The following ADGRL4 variants were observed in gnomAD, a reference collection of about 807,000 sequenced individuals.
The protein encoded by ADGRL4 is adhesion G protein-coupled receptor L4, also known as EGF, latrophilin and seven transmembrane domain containing 1.
Under a neutral mutation model 74.8 loss-of-function variants are expected in ADGRL4, and 90 were observed. The observed-to-expected ratio is 1.20, with a 90% CI of 1.02 to 1.43. The LOEUF (loss-of-function observed/expected upper bound fraction) is 1.43, where lower values mean the gene tolerates loss of function less well. ADGRL4 is among the 40% of genes most tolerant of loss of function. The pLI is 0.00. For synonymous variants in ADGRL4, 311 were observed against 279.2 expected, an observed-to-expected ratio of 1.11 and a Z score of -1.14; for missense variants, 881 against 814.3, an observed-to-expected ratio of 1.08 and a Z score of -1.00.
Position 78,959,587 on chromosome 1 carries a change from T to C in ADGRL4, c.173-13161A>G, listed in dbSNP as rs536511055. 4.6e-5 allele frequency among the ~76,000 whole-genome samples: 7 copies of C among 152,344 alleles called. No individual in the cohort carries two copies. In the South Asian group the frequency reaches 1.5e-3, roughly 32 times the overall value. ...CCTCCTAGGCAAAATGTCAGAACAT[T>C]GCATGGACTGGTGGACTGCCTGATC... On this transcript the variant is annotated intron_variant, in intron 2 of 14. Coordinates refer to ENST00000370742, the MANE Select transcript of ADGRL4 (RefSeq NM_022159.4).
chr1:78,972,433 A>G (rs927829957), intron 2 of ADGRL4, among the ~76,000 whole-genome samples: 1 of 152,192 alleles, frequency 6.6e-6, no homozygotes, highest in African/African-American at 2.4e-5. Flanking sequence ...AGAAATGTAA[A>G]TTGCAAAGAT....
At chr1:78,936,192 T>C (rs2100686323) in intron 7 of ADGRL4, 103 bp downstream of exon 7, 1 of 1,209,572 alleles carries the variant, frequency 8.3e-7, no homozygotes, top group East Asian at 2.6e-5. Flanking sequence ...AATGTTTTTA[T>C]AGGAAACCAC....
At chr1:78,955,354 T>C (rs1400988016) in intron 2 of ADGRL4, among the ~76,000 whole-genome samples, 1 of 152,130 alleles carries the variant, frequency 6.6e-6, no homozygotes, top group African/African-American at 2.4e-5. Context: ...ATGACATAAA[T>C]GTTAAACTTA....
intron 2 of ADGRL4, among the ~76,000 whole-genome samples, chr1:78,962,316 T>G (rs141216550): frequency 6.6e-6 from 1 of 152,274 alleles, no homozygotes; most frequent in East Asian, 1.9e-4. Context: ...CTACATATTT[T>G]TTCCTCCACA....
Position 79,006,645 on chromosome 1 carries a change from G to A in ADGRL4, c.10C>T (p.Leu4Phe), listed in dbSNP as rs748873408. 9.2e-6 allele frequency: 14 copies of A among 1,517,570 alleles called. No homozygotes were observed. The highest frequency in any genetic ancestry group is 1.1e-5 in the Non-Finnish European group (13 of 1,134,664). The allele number at this position is 1,517,570 out of a possible 1,614,324, so 94.0% of individuals were successfully genotyped here. The change falls in exon 1 of 15, where the codon CTC becomes TTC. Residue 4 changes from leucine to phenylalanine, a missense_variant. Transcript: ENST00000370742. ...GCTGAGCACTCACCTAGGAGCGGGA[G>A]GCGTTTCATTGGCGGTGGCCGCAGT... is the stretch of plus-strand genomic sequence containing the variant. MKR[L>F]PLLVVFSTLL...
chr1:78,975,333 C>G (rs1225733095), intron 2 of ADGRL4, among the ~76,000 whole-genome samples: 2 of 151,954 alleles, frequency 1.3e-5, no homozygotes, highest in Non-Finnish European at 2.9e-5. Flanking sequence ...AATATAGGAA[C>G]AATGATGGTA....
At chr1:78,988,573 T>C (rs1650542552) in intron 2 of ADGRL4, among the ~76,000 whole-genome samples, 1 of 151,846 alleles carries the variant, frequency 6.6e-6, no homozygotes, top group African/African-American at 2.4e-5. Context: ...TTGTTCAAGA[T>C]AAAATACTAC....
At chr1:78,973,881 ATAAAC>A (rs1331118185) in intron 2 of ADGRL4, among the ~76,000 whole-genome samples, 3 of 152,100 alleles carry the variant, frequency 2.0e-5, no homozygotes, top group South Asian at 4.1e-4. Flanking sequence ...GTTCTAATAA[ATAAAC>A]TAAGGCTAGA....
At chr1:78,990,458 A>G (rs1650585135) in intron 2 of ADGRL4, among the ~76,000 whole-genome samples, 1 of 151,966 alleles carries the variant, frequency 6.6e-6, no homozygotes, top group Admixed American at 6.6e-5. Flanking sequence ...ACAATAATGC[A>G]ATTTTTCCTA....
chr1:78,915,595 A>G (rs1648853821), intron 12 of ADGRL4, among the ~76,000 whole-genome samples: 1 of 151,782 alleles, frequency 6.6e-6, no homozygotes, highest in African/African-American at 2.4e-5. Flanking sequence ...TCATCCGCTG[A>G]GCTCCCTTCT....
At chr1:78,944,068 T>TTG (rs35548134) in intron 3 of ADGRL4, among the ~76,000 whole-genome samples, 18,409 of 152,192 alleles carry the variant, frequency 0.12, 1,266 homozygotes, top group East Asian at 0.33. Context: ...TCAGTAATCT[T>TTG]TGTGTTTTTG....
intron 2 of ADGRL4, among the ~76,000 whole-genome samples, chr1:78,972,969 T>G (rs572857823): frequency 2.0e-4 from 31 of 152,120 alleles, no homozygotes; most frequent in Non-Finnish European, 4.0e-4. Context: ...TAGGACTGAT[T>G]TCGGTTGCAA....
intron 2 of ADGRL4, among the ~76,000 whole-genome samples, chr1:78,963,997 T>C (rs555768793): frequency 6.6e-6 from 1 of 152,336 alleles, no homozygotes; most frequent in South Asian, 2.1e-4. Flanking sequence ...TCTATCAGTT[T>C]TGCAGTCTTA....
intron 2 of ADGRL4, among the ~76,000 whole-genome samples, chr1:79,000,775 A>G (rs1289759789): frequency 1.3e-5 from 2 of 152,200 alleles, no homozygotes; most frequent in Non-Finnish European, 2.9e-5. Flanking sequence ...GGGTTAATTT[A>G]GACTATAATC....
intron 14 of ADGRL4, 36 bp downstream of exon 14, chr1:78,891,488 A>G (rs772066842): frequency 1.3e-6 from 2 of 1,589,412 alleles, no homozygotes; most frequent in South Asian, 1.1e-5. Context: ...TGTTACATGA[A>G]TATACTAGGA....
intron 2 of ADGRL4, among the ~76,000 whole-genome samples, chr1:78,978,393 GA>G (rs1310337990): frequency 6.6e-6 from 1 of 151,832 alleles, no homozygotes; most frequent in Non-Finnish European, 1.5e-5. Flanking sequence ...TGACATTGTA[GA>G]AGTGAAAGGC....
At chr1:78,916,965 G>A (rs1009449157) in intron 12 of ADGRL4, among the ~76,000 whole-genome samples, 16 of 151,764 alleles carry the variant, frequency 1.1e-4, no homozygotes, top group African/African-American at 3.6e-4. Context: ...TATAATGCCT[G>A]CCAAATTTGT....
At chr1:78,987,588 A>G (rs2100731616) in intron 2 of ADGRL4, among the ~76,000 whole-genome samples, 1 of 151,944 alleles carries the variant, frequency 6.6e-6, no homozygotes, top group African/African-American at 2.4e-5. Flanking sequence ...AGTGCTGATA[A>G]GGGATACCAT....
intron 12 of ADGRL4, among the ~76,000 whole-genome samples, chr1:78,907,055 T>G (rs1380742824): frequency 1.3e-5 from 2 of 152,044 alleles, no homozygotes; most frequent in African/African-American, 4.8e-5. Context: ...TACTCTTCAC[T>G]ATCCATATTG....
Sources: gnomAD v4.1 joint callset for allele counts (sites outside exome capture counted in the v4.1 genomes callset) on GRCh38, gnomAD v4.1.1 for gene constraint, MANE v1.5 for transcripts, NCBI Gene and HGNC (gene_info 2026-07-23, HGNC 2026-07-21) for gene names.